RSRP1: variants seen among roughly 807,000 people sequenced by gnomAD.
The protein encoded by RSRP1 is arginine and serine rich protein 1.
A neutral mutation model predicts 33.0 loss-of-function variants in RSRP1; 37 were observed. The ratio of observed to expected loss-of-function variants is 1.12; its 90% CI spans 0.86 to 1.48. The LOEUF (loss-of-function observed/expected upper bound fraction) is 1.48. RSRP1 is among the 40% of genes most tolerant of loss of function. The probability of loss-of-function intolerance (pLI) is 0.00; values close to 1 mark genes in which losing one functional copy is unlikely to be tolerated. For synonymous variants in RSRP1, 167 were observed against 158.7 expected, an observed-to-expected ratio of 1.05 and a Z score of -0.40; for missense variants, 402 against 385.3, an observed-to-expected ratio of 1.04 and a Z score of -0.36.
rs1339193872 is a variant in RSRP1, at chr1:25,269,078, G to A, written c.-66-22049C>T. The stretch of plus-strand genomic sequence containing the variant: ...TTGACTTTCGATGGGGTTATGTCCT[G>A]ATAAAGCCATGGTAAGTAGGAAATA... On this transcript the variant is annotated intron_variant, in intron 1 of 1. Transcript: ENST00000561867. 3.8e-5 allele frequency among the ~76,000 whole-genome samples: 5 copies of A among 131,916 alleles called. 2 individuals are homozygous for A. Among genetic ancestry groups the A allele is most frequent in the Non-Finnish European group, 7.2e-5 (4 of 55,774 alleles). 86.5% of individuals were successfully genotyped at this position (131,916 alleles called of 152,430 possible).
At chr1:25,274,935 G>A (rs1212608647) in intron 1 of RSRP1, among the ~76,000 whole-genome samples, 1 of 131,824 alleles carries the variant, frequency 7.6e-6, no homozygotes, top group South Asian at 2.3e-4. Flanking sequence ...GCGCCAGAGT[G>A]AGACTTCATC....
At chr1:25,300,752 T>C (rs560075399) in intron 1 of RSRP1, among the ~76,000 whole-genome samples, 1 of 131,968 alleles carries the variant, frequency 7.6e-6, no homozygotes, top group South Asian at 2.3e-4. Context: ...AATGTTCCAG[T>C]GAGCCGAGAT....
intron 1 of RSRP1, chr1:25,336,476 C>T (rs1180502185): frequency 6.8e-6 from 1 of 146,800 alleles, no homozygotes; most frequent in Non-Finnish European, 1.5e-5. Context: ...AAAAGACAAA[C>T]ATTCATTAAG....
chr1:25,317,642 T>G, intron 1 of RSRP1, among the ~76,000 whole-genome samples: 1 of 11,710 alleles, frequency 8.5e-5, no homozygotes. Flanking sequence ...GGGGTGTTCT[T>G]TTAGGGGGGT....
chr1:25,331,883 G>A lies in RSRP1; in HGVS notation c.-67+6095C>T, dbSNP rs1645018162. 1.6e-5 allele frequency among the ~76,000 whole-genome samples: 2 copies of A among 127,088 alleles called. 1 individual carries two copies. The highest frequency in any genetic ancestry group is 3.7e-5 in the Non-Finnish European group (2 of 53,598). 83.4% of individuals were successfully genotyped at this position (127,088 alleles called of 152,430 possible). ...GCCTCCGGAGTAGCTGGGACTACAG[G>A]CGCCCGCCACTACGCCCGGCTAACT... On this transcript the variant is annotated intron_variant, in intron 1 of 1. Coordinates refer to the RSRP1 transcript ENST00000561867.
rs1369206802 is a variant in RSRP1, at chr1:25,266,721, G to A, written c.-66-19692C>T. 8.3e-5 allele frequency: 13 copies of A among 156,418 alleles called. 1 individual carries two copies. The highest frequency in any genetic ancestry group is 5.5e-4 in the South Asian group (4 of 7,254). 9.7% of individuals were successfully genotyped at this position (156,418 alleles called of 1,614,324 possible). ...TGACAATTGACCCACATTTTTGACT[G>A]AAGTGAAAGGGGGTTCTGCTCCGCG... On this transcript the variant is annotated intron_variant, in intron 1 of 1. Transcript: ENST00000561867.
In RSRP1 at chr1:25,283,292, A is replaced by G. The variant is rs1163080194; in HGVS notation, c.-66-36263T>C. 3.0e-5 allele frequency among the ~76,000 whole-genome samples: 4 copies of G among 132,060 alleles called. 1 individual carries two copies. Among genetic ancestry groups the G allele is most frequent in the African/African-American group, 1.0e-4 (4 of 38,694 alleles). 86.6% of individuals were successfully genotyped at this position (132,060 alleles called of 152,430 possible). ...ATGTCTGTAATCCCATCACTTTGGG[A>G]AACCGAGGTGGGCAGATCACTTGAG... On this transcript the variant is annotated intron_variant, in intron 1 of 1. Transcript: ENST00000561867.
At position 25,290,161 on chromosome 1, in the gene RSRP1, C is replaced by T. The variant is rs1423463412; in HGVS notation, c.-66-43132G>A. On this transcript the variant is annotated intron_variant, in intron 1 of 1. Transcript: ENST00000561867. The stretch of plus-strand genomic sequence containing the variant: ...TTCCAAATCCAGTTTCTTTCCACTG[C>T]CACGGAGACGGAGAGAAGGGACAGT... Among the ~76,000 whole-genome samples, 2 of 130,104 alleles carry T rather than the reference C, an allele frequency of 1.5e-5. 1 individual carries two copies. 85.4% of individuals were successfully genotyped at this position (130,104 alleles called of 152,430 possible).
Position 25,284,836 on chromosome 1 carries a change from G to C in RSRP1, c.-66-37807C>G. The C allele has an allele frequency of 3.2e-6, 4 of 1,260,170 alleles. 1 individual carries two copies. The Admixed American group carries it at 7.5e-5, about 24-fold the overall frequency. 78.1% of individuals were successfully genotyped at this position (1,260,170 alleles called of 1,614,324 possible). A position where few individuals can be genotyped will look rare whatever the true frequency, so the allele number is the denominator to read the frequency against. ...GAAAGGACAGGTTCCAGAAGATCTG[G>C]GATATTGCCCCCTCTCTGTCTAGCA... On this transcript the variant is annotated intron_variant, in intron 1 of 1. Coordinates refer to the RSRP1 transcript ENST00000561867.
chr1:25,269,720 C>A lies in RSRP1; in HGVS notation c.-66-22691G>T, dbSNP rs934083571. 3.0e-5 allele frequency among the ~76,000 whole-genome samples: 4 copies of A among 132,846 alleles called. No individual in the cohort carries two copies. The South Asian group carries it at 6.9e-4, about 23-fold the overall frequency. The allele number at this position is 132,846 out of a possible 152,430, so 87.2% of individuals were successfully genotyped here. A position where few individuals can be genotyped will look rare whatever the true frequency, so the allele number is the denominator to read the frequency against. On this transcript the variant is annotated intron_variant, in intron 1 of 1. Transcript: ENST00000561867. ...TAAGAGTCAGAGGGGAAGAGCAAAA[C>A]CTCTGCTTTTGACAAATCTGTTGGG...
At chr1:25,263,815 C>T (rs970118503) in intron 1 of RSRP1, among the ~76,000 whole-genome samples, 1 of 152,072 alleles carries the variant, frequency 6.6e-6, no homozygotes, top group Non-Finnish European at 1.5e-5. Flanking sequence ...ATTTATGAGC[C>T]TATAAAATCC....
At chr1:25,285,384 T>C in intron 1 of RSRP1, among the ~76,000 whole-genome samples, 1 of 134,830 alleles carries the variant, frequency 7.4e-6, no homozygotes, top group African/African-American at 2.6e-5. Context: ...TCCGCCCGCC[T>C]CGGCCTCCCA....
chr1:25,247,678 TGGCTTCCCCCCTG>T (rs1639598457), upstream of RSRP1, among the ~76,000 whole-genome samples: 1 of 152,152 alleles, frequency 6.6e-6, no homozygotes, highest in Non-Finnish European at 1.5e-5. Flanking sequence ...CCGTTGCCCT[TGGCTTCCCCCCTG>T]ATCTGAGATA....
At chr1:25,281,534 C>T (rs1380210296) in intron 1 of RSRP1, among the ~76,000 whole-genome samples, 1 of 131,982 alleles carries the variant, frequency 7.6e-6, no homozygotes, top group African/African-American at 2.6e-5. Context: ...TCCAACTGAA[C>T]ACAAGCCTCA....
rs192274802 is a variant in RSRP1 at position 25,322,017 on chromosome 1, A to G, written c.-67+15961T>C. On this transcript the variant is annotated intron_variant, in intron 1 of 1. Transcript: ENST00000561867. ...ATTTTGAGTGCATGAACTTAAAAAC[A>G]TACCTGAGTATATATGTTGACTTGC... 1,573 of 897,874 alleles carry G rather than the reference A, an allele frequency of 1.8e-3. 220 individuals are homozygous for G. The African/African-American group carries it at 0.022, about 12-fold the overall frequency. 55.6% of individuals were successfully genotyped at this position (897,874 alleles called of 1,614,324 possible).
In RSRP1 at chr1:25,245,187, C is replaced by T. The variant is rs760484232; in HGVS notation, c.635G>A (p.Arg212His). 18 of 1,614,038 alleles carry T rather than the reference C, an allele frequency of 1.1e-5. No individual in the cohort carries two copies. Among genetic ancestry groups the T allele is most frequent in the South Asian group, 5.5e-5 (5 of 91,086 alleles). The change falls in exon 3 of 5, where the codon CGT becomes CAT. Residue 212 changes from arginine (R) to histidine (H), a missense_variant. Physicochemically the swap from Arg to His is conservative, Grantham distance 29 (BLOSUM62 0). Transcript: ENST00000243189. ...ACCATTACTTGATACACCTATTCCA[C>T]GGCTTGTTTCTTTGGCTGAAGGAAC... ...RTVPSAKETSRGIGVSSNGAK... is the reference protein window; with the variant it reads ...RTVPSAKETSHGIGVSSNGAK...
At chr1:25,252,216 C>G (rs1639807811), upstream of RSRP1, among the ~76,000 whole-genome samples, 1 of 150,704 alleles carries the variant, frequency 6.6e-6, no homozygotes, top group South Asian at 2.1e-4. Context: ...GGCACATGCA[C>G]CACAGCTGGC....
At chr1:25,246,319 C>T in intron 2 of RSRP1, 125 bp downstream of exon 2, 1 of 1,439,792 alleles carries the variant, frequency 6.9e-7, no homozygotes, top group African/African-American at 1.4e-5. Flanking sequence ...TCCCTCTTTC[C>T]TCCAAAAAGA....
chr1:25,329,035 C>T lies in RSRP1; in HGVS notation c.-67+8943G>A, dbSNP rs1290538735. 19 of 1,377,040 alleles carry T rather than the reference C, an allele frequency of 1.4e-5. 6 individuals carry two copies. The highest frequency in any genetic ancestry group is 5.9e-5 in the South Asian group (5 of 84,812). 85.3% of individuals were successfully genotyped at this position (1,377,040 alleles called of 1,614,324 possible). On this transcript the variant is annotated intron_variant, in intron 1 of 1. Coordinates refer to the RSRP1 transcript ENST00000561867. ...TCATGACAGCAAAGTCTCCAATGTT[C>T]GCGCAGGCACTGGAGTCAGAGAAAA...
Sources: gnomAD v4.1 joint callset for allele counts (sites outside exome capture counted in the v4.1 genomes callset) on GRCh38, gnomAD v4.1.1 for gene constraint, MANE v1.5 for transcripts, NCBI Gene and HGNC (gene_info 2026-07-23, HGNC 2026-07-21) for gene names.